The following FGF2 variants were observed in gnomAD, a reference collection of about 807,000 sequenced individuals.
The protein encoded by FGF2 is fibroblast growth factor 2, also known as basic fibroblast growth factor bFGF.
FGF2 carries 13 observed loss-of-function variants against 15.9 expected under a neutral mutation model. The observed-to-expected ratio is 0.82, with a 90% CI of 0.53 to 1.30. The LOEUF (loss-of-function observed/expected upper bound fraction) is 1.30, where lower values mean the gene tolerates loss of function less well. FGF2 is among the 50% of genes most tolerant of loss of function. The pLI is 0.00. For synonymous variants in FGF2, 90 were observed against 78.4 expected, an observed-to-expected ratio of 1.15 and a Z score of -0.78; for missense variants, 163 against 196.9, an observed-to-expected ratio of 0.83 and a Z score of 1.03.
intron 1 of FGF2, among the ~76,000 whole-genome samples, chr4:122,846,851 G>GT (rs1171522657): frequency 3.9e-5 from 6 of 152,228 alleles, no homozygotes; most frequent in African/African-American, 1.2e-4. Context: ...GAAGGAGAGA[G>GT]ATAGGATAGC....
chr4:122,844,561 CTTTCTTTCTTTTTCTTT>C, intron 1 of FGF2, among the ~76,000 whole-genome samples: 1 of 144,922 alleles, frequency 6.9e-6, no homozygotes, highest in East Asian at 2.0e-4. Context: ...TTCTCTTTTT[CTTTCTTTCTTTTTCTTT>C]CTTTCTTTCT....
Position 122,897,790 on chromosome 4 carries a change from T to C in FGF2, c.*5394T>C. 1.3e-6 allele frequency: 1 copy of C among 756,742 alleles called. No individual in the cohort carries two copies. The highest frequency in any genetic ancestry group is 2.2e-6 in the Non-Finnish European group (1 of 446,962). 46.9% of individuals were successfully genotyped at this position (756,742 alleles called of 1,614,324 possible). On this transcript the variant is annotated 3_prime_UTR_variant, in exon 3 of 3. Coordinates refer to ENST00000644866, the MANE Select transcript of FGF2 (RefSeq NM_001361665.2). ...TCAAAGTGGTTGAGAATATATTTTT[T>C]AGTAATTGCATGCAAAATTTTTCTA...
rs144686718 is a variant in FGF2 at position 122,844,047 on chromosome 4, A to G, written c.178+16695A>G. 8.4e-3 allele frequency among the ~76,000 whole-genome samples: 1,281 copies of G among 152,344 alleles called. 19 individuals carry two copies. The highest frequency in any genetic ancestry group is 0.029 in the African/African-American group (1,223 of 41,572). On this transcript the variant is annotated intron_variant, in intron 1 of 2. Transcript: ENST00000644866. ...CTATCACGAAAGATTTCTCTGTAGC[A>G]TGAGATGCCATTTGATAGCATTTTA... is the stretch of plus-strand genomic sequence containing the variant.
chr4:122,889,126 A>C (rs182013979), intron 2 of FGF2, among the ~76,000 whole-genome samples: 1 of 152,356 alleles, frequency 6.6e-6, no homozygotes, highest in African/African-American at 2.4e-5. Flanking sequence ...CAAAATCTGA[A>C]ATGTTACCAA....
At chr4:122,880,263 T>G (rs1726934852) in intron 2 of FGF2, among the ~76,000 whole-genome samples, 1 of 150,832 alleles carries the variant, frequency 6.6e-6, no homozygotes, top group Non-Finnish European at 1.5e-5. Context: ...TTTTTTTTTT[T>G]TGAGATGGAG....
At chr4:122,891,964 C>T (rs1727199982) in intron 2 of FGF2, among the ~76,000 whole-genome samples, 1 of 152,142 alleles carries the variant, frequency 6.6e-6, no homozygotes, top group African/African-American at 2.4e-5. Flanking sequence ...TCTCTGAACT[C>T]CTACTGAAGA....
Position 122,880,736 on chromosome 4 carries a change from A to G in FGF2, c.282+4312A>G, listed in dbSNP as rs77038192. On this transcript the variant is annotated intron_variant, in intron 2 of 2. Coordinates refer to ENST00000644866, the MANE Select transcript of FGF2 (RefSeq NM_001361665.2). The stretch of plus-strand genomic sequence containing the variant: ...GAGTGTCTGTGGCTTTTCTAGGTGC[A>G]TGGTGCAAGCTCTCAGTAGATCTAC... Among the ~76,000 whole-genome samples, 804 of 152,242 alleles carry G rather than the reference A, an allele frequency of 5.3e-3. 7 individuals carry two copies. The highest frequency in any genetic ancestry group is 0.018 in the African/African-American group (738 of 41,552).
chr4:122,845,281 G>A (rs308424), intron 1 of FGF2, among the ~76,000 whole-genome samples: 21,116 of 152,072 alleles, frequency 0.14, 1,924 homozygotes, highest in South Asian at 0.26. Context: ...CCATTGATAG[G>A]GCACAGGCAG....
intron 1 of FGF2, among the ~76,000 whole-genome samples, chr4:122,838,150 G>C (rs1328957396): frequency 6.6e-6 from 1 of 152,182 alleles, no homozygotes; most frequent in Admixed American, 6.5e-5. Context: ...GTTAAAGGAT[G>C]AGAAAAGTGA....
intron 1 of FGF2, among the ~76,000 whole-genome samples, chr4:122,857,526 C>T (rs909535728): frequency 6.6e-6 from 1 of 152,160 alleles, no homozygotes; most frequent in Non-Finnish European, 1.5e-5. Context: ...AAGCCATTGG[C>T]ATTCTTAAAC....
chr4:122,892,468 A>G lies in FGF2; in HGVS notation c.*72A>G. The stretch of plus-strand genomic sequence containing the variant: ...ATTTTAGAAATTTGTTAATGAGAGT[A>G]AAAGAAAATAAATGTGTATAGCTCA... On this transcript the variant is annotated 3_prime_UTR_variant, in exon 3 of 3. Transcript: ENST00000644866. 1 of 1,605,250 alleles carries G rather than the reference A, an allele frequency of 6.2e-7. No individual in the cohort carries two copies. Among genetic ancestry groups the G allele is most frequent in the Admixed American group, 1.7e-5 (1 of 59,534 alleles).
Position 122,876,313 on chromosome 4 carries a change from C to A in FGF2, c.179-8C>A. 1.3e-6 allele frequency: 2 copies of A among 1,571,442 alleles called. No homozygotes were observed. Among genetic ancestry groups the A allele is most frequent in the Non-Finnish European group, 8.8e-7 (1 of 1,141,414 alleles). ...GTGCTACAAAGATAATTTTTTTTCC[C>A]GTTACAGTCAAGCTACAACTTCAAG... is the stretch of plus-strand genomic sequence containing the variant. On this transcript the variant is annotated splice_polypyrimidine_tract_variant and splice_region_variant and intron_variant, in intron 1 of 2. Coordinates refer to ENST00000644866, the MANE Select transcript of FGF2 (RefSeq NM_001361665.2).
chr4:122,859,858 T>C (rs1229647677), intron 1 of FGF2, among the ~76,000 whole-genome samples: 1 of 152,228 alleles, frequency 6.6e-6, no homozygotes, highest in Admixed American at 6.5e-5. Flanking sequence ...TTGAAGGAGT[T>C]GTTCGCATTT....
At chr4:122,858,721 G>T (rs1255185543) in intron 1 of FGF2, among the ~76,000 whole-genome samples, 1 of 152,066 alleles carries the variant, frequency 6.6e-6, no homozygotes, top group Non-Finnish European at 1.5e-5. Flanking sequence ...TTGTTACCTA[G>T]CCTCCTTTGT....
At chr4:122,838,959 C>A (rs1725920924) in intron 1 of FGF2, among the ~76,000 whole-genome samples, 1 of 152,148 alleles carries the variant, frequency 6.6e-6, no homozygotes, top group African/African-American at 2.4e-5. Context: ...TTAACTGTAT[C>A]TTTTCTATGT....
intron 1 of FGF2, among the ~76,000 whole-genome samples, chr4:122,833,653 T>G (rs1206230036): frequency 1.3e-5 from 2 of 152,064 alleles, no homozygotes; most frequent in Non-Finnish European, 2.9e-5. Flanking sequence ...ACTCAGAGAG[T>G]GCTCACTAAA....
intron 2 of FGF2, chr4:122,890,003 G>A (rs1727135682): frequency 6.6e-6 from 1 of 152,066 alleles, no homozygotes; most frequent in South Asian, 2.1e-4. Context: ...GTTCCATGGT[G>A]ACCTTTCATG....
intron 1 of FGF2, among the ~76,000 whole-genome samples, chr4:122,851,171 G>C (rs143365160): frequency 6.6e-6 from 1 of 152,232 alleles, no homozygotes; most frequent in Admixed American, 6.5e-5. Flanking sequence ...TGCTTCAAAG[G>C]GGCAGTGTGG....
At chr4:122,869,821 C>T (rs13109930) in intron 1 of FGF2, among the ~76,000 whole-genome samples, 2 of 151,948 alleles carry the variant, frequency 1.3e-5, no homozygotes, top group African/African-American at 4.8e-5. Flanking sequence ...ATTTCAATAC[C>T]CTTTGTTTCT....
Sources: allele counts gnomAD v4.1 joint callset (sites outside exome capture counted in the v4.1 genomes callset), GRCh38; gene constraint gnomAD v4.1.1; transcripts MANE v1.5; gene names NCBI Gene and HGNC (gene_info 2026-07-23, HGNC 2026-07-21).